UBE2E2: variants seen among roughly 807,000 people sequenced by gnomAD.
UBE2E2 encodes ubiquitin conjugating enzyme E2 E2.
UBE2E2 carries 6 observed loss-of-function variants against 24.7 expected under a neutral mutation model. That is an observed-to-expected ratio of 0.24 (90% CI 0.13 to 0.48). The LOEUF (loss-of-function observed/expected upper bound fraction) is 0.48. UBE2E2 is among the 20% of genes least tolerant of loss of function. The pLI is 0.99. For synonymous variants in UBE2E2, 104 were observed against 83.6 expected (o/e 1.24, Z -1.33); for missense variants, 169 against 245.0 (o/e 0.69, Z 2.07).
chr3:23,421,862 A>C (rs1414465616), intron 3 of UBE2E2, among the ~76,000 whole-genome samples: 1 of 152,386 alleles, frequency 6.6e-6, no homozygotes, highest in South Asian at 2.1e-4. Context: ...GAGATAAGAA[A>C]TTATCTAATG....
At chr3:23,310,596 A>G (rs529314248) in intron 3 of UBE2E2, among the ~76,000 whole-genome samples, 2 of 152,210 alleles carry the variant, frequency 1.3e-5, no homozygotes, top group East Asian at 3.9e-4. Flanking sequence ...TTAAAGGATA[A>G]CCTTGAGCCG....
chr3:23,443,827 C>T (rs1353748842), intron 3 of UBE2E2, among the ~76,000 whole-genome samples: 1 of 152,132 alleles, frequency 6.6e-6, no homozygotes, highest in East Asian at 1.9e-4. Context: ...TTCCATACTA[C>T]GATATGAGGC....
At chr3:23,457,299 C>T (rs910974729) in intron 3 of UBE2E2, among the ~76,000 whole-genome samples, 1 of 152,166 alleles carries the variant, frequency 6.6e-6, no homozygotes, top group African/African-American at 2.4e-5. Flanking sequence ...TTTTCTGGGG[C>T]TAAGCTTCTT....
chr3:23,303,175 G>C (rs1699148607), intron 3 of UBE2E2, among the ~76,000 whole-genome samples: 1 of 152,020 alleles, frequency 6.6e-6, no homozygotes, highest in African/African-American at 2.4e-5. Context: ...TCTAATGCAT[G>C]ATGATCTGTC....
chr3:23,431,785 T>C (rs1698067961), intron 3 of UBE2E2, among the ~76,000 whole-genome samples: 1 of 152,200 alleles, frequency 6.6e-6, no homozygotes, highest in African/African-American at 2.4e-5. Flanking sequence ...TATCTTCCTG[T>C]TCAAATGTAG....
chr3:23,412,262 T>C (rs1697512075), intron 3 of UBE2E2, among the ~76,000 whole-genome samples: 1 of 152,158 alleles, frequency 6.6e-6, no homozygotes, highest in Admixed American at 6.6e-5. Context: ...TTAAAACGTA[T>C]TTGTGTTTTT....
chr3:23,319,100 A>G (rs1193720622), intron 3 of UBE2E2, among the ~76,000 whole-genome samples: 1 of 152,218 alleles, frequency 6.6e-6, no homozygotes, highest in Non-Finnish European at 1.5e-5. Context: ...AAGTATTTAC[A>G]AACCATGACT....
At chr3:23,290,806 A>G (rs1476178865) in intron 3 of UBE2E2, among the ~76,000 whole-genome samples, 1 of 149,774 alleles carries the variant, frequency 6.7e-6, no homozygotes, top group Non-Finnish European at 1.5e-5. Flanking sequence ...TAATCCCAGC[A>G]GTTCTGGGGA....
At chr3:23,305,393 TTTA>T (rs1280566610) in intron 3 of UBE2E2, among the ~76,000 whole-genome samples, 1 of 152,226 alleles carries the variant, frequency 6.6e-6, no homozygotes, top group Non-Finnish European at 1.5e-5. Flanking sequence ...TTTTTGCTGC[TTTA>T]TCAAGAACAA....
At chr3:23,476,520 C>T (rs1699141921) in intron 3 of UBE2E2, among the ~76,000 whole-genome samples, 1 of 151,924 alleles carries the variant, frequency 6.6e-6, no homozygotes, top group South Asian at 2.1e-4. Context: ...CATAGTGAGA[C>T]CCTGTTTCTA....
chr3:23,358,517 A>G (rs779211952), intron 3 of UBE2E2, among the ~76,000 whole-genome samples: 31 of 152,336 alleles, frequency 2.0e-4, no homozygotes, highest in Admixed American at 5.2e-4. Flanking sequence ...TCAAATATCA[A>G]TAAGTACGTT....
chr3:23,378,506 C>T (rs1399254950), intron 3 of UBE2E2, among the ~76,000 whole-genome samples: 2 of 152,110 alleles, frequency 1.3e-5, no homozygotes, highest in Non-Finnish European at 2.9e-5. Context: ...CAGAGACCAG[C>T]AAGTCAAACC....
At chr3:23,218,867 A>C (rs144263993) in intron 3 of UBE2E2, among the ~76,000 whole-genome samples, 46 of 152,296 alleles carry the variant, frequency 3.0e-4, no homozygotes, top group African/African-American at 9.9e-4. Flanking sequence ...AAGTAAAAGA[A>C]ACGTTTAACT....
At chr3:23,341,242 A>G (rs958044352) in intron 3 of UBE2E2, among the ~76,000 whole-genome samples, 2 of 152,170 alleles carry the variant, frequency 1.3e-5, no homozygotes, top group African/African-American at 4.8e-5. Flanking sequence ...GATGTTCCTT[A>G]TAGTAACAAT....
rs547712996 is a variant in UBE2E2 at position 23,296,898 on chromosome 3, T to G, written c.227+79586T>G. ...GGAGTCACCAAACCGACTTCCACAA[T>G]CGTTGAACTAGTTTACAGTCCCACC... On this transcript the variant is annotated intron_variant, in intron 3 of 5. Transcript: ENST00000396703. 3.3e-5 allele frequency among the ~76,000 whole-genome samples: 5 copies of G among 152,338 alleles called. No individual in the cohort carries two copies. In the East Asian group the frequency reaches 7.7e-4, roughly 24 times the overall value.
chr3:23,365,271 C>T (rs1016867553), intron 3 of UBE2E2, among the ~76,000 whole-genome samples: 1 of 152,056 alleles, frequency 6.6e-6, no homozygotes, highest in Admixed American at 6.5e-5. Context: ...GAAGTCCGAG[C>T]CAGAGCAATC....
In UBE2E2 at chr3:23,589,853, G is replaced by A. The variant is rs762011641; in HGVS notation, c.*22G>A. On this transcript the variant is annotated 3_prime_UTR_variant, in exon 6 of 6. Transcript: ENST00000396703. This position sits in a 1 kb window ranked among gnomAD's most constrained non-coding sequence, Gnocchi z 4.1. The stretch of plus-strand genomic sequence containing the variant: ...ATAGGGGCCTGCTGCCTGCCGCCCC[G>A]CGGGACCTGTGCAAGCACATTCACC... The A allele has an allele frequency of 1.5e-5, 25 of 1,612,972 alleles. No homozygotes were observed. In the Middle Eastern group the frequency reaches 5.0e-4, roughly 32 times the overall value.
At chr3:23,219,760 A>G (rs1338913273) in intron 3 of UBE2E2, among the ~76,000 whole-genome samples, 1 of 152,060 alleles carries the variant, frequency 6.6e-6, no homozygotes, top group Non-Finnish European at 1.5e-5. Context: ...TTCCCTGGGT[A>G]GTTGTTAGTC....
intron 3 of UBE2E2, among the ~76,000 whole-genome samples, chr3:23,404,704 A>G (rs963411672): frequency 6.6e-6 from 1 of 152,208 alleles, no homozygotes; most frequent in Admixed American, 6.5e-5. Context: ...TGCAATTTTA[A>G]AAAGCATGAT....
Sources: gnomAD v4.1 joint callset for allele counts (sites outside exome capture counted in the v4.1 genomes callset) on GRCh38, gnomAD v4.1.1 for gene constraint, Gnocchi (gnomAD v3.1) non-coding constraint, MANE v1.5 for transcripts, NCBI Gene and HGNC (gene_info 2026-07-23, HGNC 2026-07-21) for gene names.